RANBP2: variants seen among roughly 807,000 people sequenced by gnomAD.
RANBP2 encodes the protein RAN binding protein 2.
A neutral mutation model predicts 303.6 loss-of-function variants in RANBP2; 57 were observed. The observed-to-expected ratio is 0.19, with a 90% CI of 0.15 to 0.23. The LOEUF (loss-of-function observed/expected upper bound fraction) is 0.23, where lower values mean the gene tolerates loss of function less well. RANBP2 is among the 10% of genes least tolerant of loss of function. The probability of loss-of-function intolerance (pLI) is 1.00; values close to 1 mark genes in which losing one functional copy is unlikely to be tolerated. For missense variants in RANBP2, 3,138 were observed against 3,780.8 expected (o/e 0.83, Z 4.46); for synonymous variants, 1,167 against 1,301.5 (o/e 0.90, Z 2.23).
chr2:109,346,540 T>C, the RANBP2 span, among the ~76,000 whole-genome samples: 1 of 152,108 alleles, frequency 6.6e-6, no homozygotes, highest in Non-Finnish European at 1.5e-5. Flanking sequence ...TAGCACAGGA[T>C]TGACCTCTGG....
At chr2:108,971,205 G>A in the RANBP2 span, among the ~76,000 whole-genome samples, 1 of 152,162 alleles carries the variant, frequency 6.6e-6, no homozygotes, top group East Asian at 1.9e-4. Context: ...TGTTCCATGA[G>A]GGTGGGAATC....
the RANBP2 span, among the ~76,000 whole-genome samples, chr2:109,106,843 A>T: frequency 3.3e-5 from 5 of 152,104 alleles, no homozygotes; most frequent in African/African-American, 1.2e-4. Flanking sequence ...CCTCAGAAGA[A>T]AAAAGAAAAG....
At chr2:109,728,939 T>C in the RANBP2 span, among the ~76,000 whole-genome samples, 1 of 152,128 alleles carries the variant, frequency 6.6e-6, no homozygotes, top group Non-Finnish European at 1.5e-5. Context: ...TTCGGTACCA[T>C]CTGGCTCAAG....
At chr2:109,679,388 A>T in the RANBP2 span, among the ~76,000 whole-genome samples, 1 of 152,344 alleles carries the variant, frequency 6.6e-6, no homozygotes, top group African/African-American at 2.4e-5. Context: ...GAATTTGCAA[A>T]TGTGGAATCC....
chr2:109,169,704 C>A, the RANBP2 span, among the ~76,000 whole-genome samples: 73,383 of 151,342 alleles, frequency 0.48, 18,809 homozygotes, highest in South Asian at 0.59. Context: ...ATCTCTCTCT[C>A]TATATATATC....
At chr2:109,069,145 C>G in the RANBP2 span, among the ~76,000 whole-genome samples, 4 of 152,142 alleles carry the variant, frequency 2.6e-5, no homozygotes, top group Admixed American at 2.6e-4. Flanking sequence ...AATAAATTTT[C>G]TATCTTGAGT....
the RANBP2 span, among the ~76,000 whole-genome samples, chr2:109,641,849 A>G: frequency 1.3e-5 from 2 of 152,168 alleles, no homozygotes; most frequent in Admixed American, 6.5e-5. Flanking sequence ...CTTGTTGCCC[A>G]GGCTGGAGTA....
the RANBP2 span, chr2:109,432,486 A>G: frequency 1.1e-5 from 18 of 1,612,412 alleles, no homozygotes; most frequent in East Asian, 1.3e-4. Flanking sequence ...CACTGGCCCC[A>G]TGCTTTGCCC....
chr2:109,679,139 A>G, the RANBP2 span, among the ~76,000 whole-genome samples: 1 of 152,250 alleles, frequency 6.6e-6, no homozygotes, highest in Non-Finnish European at 1.5e-5. Context: ...TGGGGACCAC[A>G]CTAAACAGCA....
At chr2:109,104,827 T>G in the RANBP2 span, among the ~76,000 whole-genome samples, 2 of 152,162 alleles carry the variant, frequency 1.3e-5, no homozygotes, top group Non-Finnish European at 2.9e-5. Context: ...ACAGCAAACA[T>G]CATGGTTATG....
chr2:109,414,949 C>T, the RANBP2 span, among the ~76,000 whole-genome samples: 2 of 152,200 alleles, frequency 1.3e-5, no homozygotes, highest in Non-Finnish European at 2.9e-5. Flanking sequence ...GGGAAAAGAC[C>T]CTGAGATGGA....
At chr2:109,163,641 C>T in the RANBP2 span, among the ~76,000 whole-genome samples, 4 of 151,942 alleles carry the variant, frequency 2.6e-5, no homozygotes, top group South Asian at 2.1e-4. Flanking sequence ...CCTCGTGATC[C>T]GCCCGCCTCG....
chr2:108,934,140 G>A, the RANBP2 span, among the ~76,000 whole-genome samples: 594 of 152,308 alleles, frequency 3.9e-3, 2 homozygotes, highest in Middle Eastern at 0.024. Flanking sequence ...GTAAACCCAA[G>A]CAGAGAGAAA....
chr2:108,930,170 C>T, the RANBP2 span: 4 of 1,614,076 alleles, frequency 2.5e-6, no homozygotes, highest in Middle Eastern at 1.7e-4. Context: ...TGGCACAGCC[C>T]CGTAGTCTGG....
chr2:109,404,546 A>G, the RANBP2 span, among the ~76,000 whole-genome samples: 1 of 152,100 alleles, frequency 6.6e-6, no homozygotes. Flanking sequence ...AGCACAGTCA[A>G]GGTCGCCAAG....
intron 1 of RANBP2, among the ~76,000 whole-genome samples, chr2:108,724,499 C>G (rs1348426025): frequency 6.6e-6 from 1 of 152,068 alleles, no homozygotes; most frequent in Non-Finnish European, 1.5e-5. Flanking sequence ...GCTCCATTTT[C>G]TAGAAGTTCT....
the RANBP2 span, among the ~76,000 whole-genome samples, chr2:109,035,830 A>G: frequency 6.6e-6 from 1 of 152,214 alleles, no homozygotes; most frequent in African/African-American, 2.4e-5. Context: ...AAAAAAAATA[A>G]TTAAACTTCT....
the RANBP2 span, among the ~76,000 whole-genome samples, chr2:108,863,025 C>A: frequency 2.6e-5 from 4 of 152,194 alleles, no homozygotes; most frequent in Admixed American, 1.3e-4. Context: ...TTCTACACAT[C>A]TAGAACTTAC....
chr2:109,300,133 T>C, the RANBP2 span, among the ~76,000 whole-genome samples: 6 of 152,108 alleles, frequency 3.9e-5, no homozygotes, highest in Non-Finnish European at 8.8e-5. Flanking sequence ...GGTGCATGTG[T>C]CCCTGCACAC....
Sources: gnomAD v4.1 joint callset for allele counts (sites outside exome capture counted in the v4.1 genomes callset) on GRCh38, gnomAD v4.1.1 for gene constraint, MANE v1.5 for transcripts, NCBI Gene and HGNC (gene_info 2026-07-23, HGNC 2026-07-21) for gene names.